Variants in GABRG1 observed in about 807,000 individuals in gnomAD.
GABRG1 encodes gamma-aminobutyric acid receptor subunit gamma-1.
In GABRG1, 49 loss-of-function variants were observed where a neutral mutation model predicts 49.8. The ratio of observed to expected loss-of-function variants is 0.98; its 90% CI spans 0.78 to 1.25. GABRG1 has a LOEUF of 1.25. GABRG1 is among the 50% of genes most tolerant of loss of function. GABRG1 has a pLI of 0.00. For synonymous variants in GABRG1, 232 were observed against 185.1 expected (o/e 1.25, Z -2.06); for missense variants, 552 against 552.3 (o/e 1.00, Z 0.01).
At chr4:46,066,232 TAAAC>T (rs983558196) in intron 3 of GABRG1, among the ~76,000 whole-genome samples, 2 of 152,126 alleles carry the variant, frequency 1.3e-5, no homozygotes, top group Admixed American at 1.3e-4. Context: ...TTAAGTCACA[TAAAC>T]AAAAAAGAAA....
Position 46,123,942 on chromosome 4 carries a change from T to C in GABRG1, c.-29A>G, listed in dbSNP as rs1721176013. The C allele has an allele frequency of 1.3e-6, 2 of 1,526,696 alleles. No homozygotes were observed. Among genetic ancestry groups the C allele is most frequent in the Non-Finnish European group, 1.8e-6 (2 of 1,101,828 alleles). 94.6% of individuals were successfully genotyped at this position (1,526,696 alleles called of 1,614,324 possible). The stretch of plus-strand genomic sequence containing the variant: ...AATCGCTTTTTTACGTGTGCTGCAC[T>C]AGCTCAATTCTCCCAGCCAGGACTT... On this transcript the variant is annotated 5_prime_UTR_variant, in exon 1 of 9. Transcript: ENST00000295452.
intron 2 of GABRG1, among the ~76,000 whole-genome samples, chr4:46,089,658 A>C (rs1184946459): frequency 6.6e-6 from 1 of 152,036 alleles, no homozygotes; most frequent in Non-Finnish European, 1.5e-5. Context: ...CTACTTGTAA[A>C]GTTGTTAAGA....
chr4:46,100,798 G>T (rs1053521312), intron 1 of GABRG1, among the ~76,000 whole-genome samples: 1 of 143,896 alleles, frequency 6.9e-6, no homozygotes, highest in Non-Finnish European at 1.5e-5. Context: ...AGTTTATATT[G>T]CCCTTTTCTC....
intron 2 of GABRG1, among the ~76,000 whole-genome samples, chr4:46,093,236 T>A (rs1279647765): frequency 1.3e-5 from 2 of 151,816 alleles, no homozygotes; most frequent in Non-Finnish European, 2.9e-5. Context: ...GCAAAGAAAA[T>A]TTGGTATATG....
chr4:46,076,334 A>G (rs919193861), intron 3 of GABRG1, among the ~76,000 whole-genome samples: 3 of 138,104 alleles, frequency 2.2e-5, no homozygotes, highest in Non-Finnish European at 4.6e-5. Flanking sequence ...CAAAATATGA[A>G]CTACCTAAAT....
intron 3 of GABRG1, among the ~76,000 whole-genome samples, chr4:46,077,905 A>C (rs890675620): frequency 4.6e-5 from 7 of 151,868 alleles, no homozygotes; most frequent in African/African-American, 1.7e-4. Flanking sequence ...AATACTAGGA[A>C]CTTTCACTTC....
intron 8 of GABRG1, among the ~76,000 whole-genome samples, chr4:46,050,995 T>C (rs545012796): frequency 1.3e-4 from 20 of 151,904 alleles, no homozygotes; most frequent in Non-Finnish European, 2.5e-4. Flanking sequence ...AGTAAAATAG[T>C]ACAAATACAG....
At chr4:46,083,942 A>G (rs1481157083) in intron 3 of GABRG1, 44 bp downstream of exon 3, 2 of 1,050,438 alleles carry the variant, frequency 1.9e-6, no homozygotes, top group South Asian at 1.4e-5. Flanking sequence ...GGTATACACG[A>G]GAGATCTCTG....
In GABRG1 at chr4:46,036,416, A is replaced by T. The variant is rs1717527952; in HGVS notation, c.*4572T>A. ...AATAAGAATCTAGACAGATCACTTT[A>T]GGATTTACATTTCAGATTATTTTTT... On this transcript the variant is annotated 3_prime_UTR_variant, in exon 9 of 9. Coordinates refer to ENST00000295452, the MANE Select transcript of GABRG1 (RefSeq NM_173536.4). 1 of 151,998 alleles carries T rather than the reference A, an allele frequency of 6.6e-6. No individual in the cohort carries two copies. 9.4% of individuals were successfully genotyped at this position (151,998 alleles called of 1,614,324 possible).
chr4:46,108,048 A>G (rs1350485157), intron 1 of GABRG1, among the ~76,000 whole-genome samples: 1 of 151,282 alleles, frequency 6.6e-6, no homozygotes, highest in Non-Finnish European at 1.5e-5. Context: ...AATATTTGTC[A>G]GAAGGAACAT....
intron 1 of GABRG1, among the ~76,000 whole-genome samples, chr4:46,105,107 C>A (rs1720491149): frequency 6.6e-6 from 1 of 151,302 alleles, no homozygotes; most frequent in African/African-American, 2.4e-5. Flanking sequence ...TTCCCAAACT[C>A]CATTTTTTAT....
At chr4:46,070,763 G>A (rs1227996239) in intron 3 of GABRG1, among the ~76,000 whole-genome samples, 2 of 151,998 alleles carry the variant, frequency 1.3e-5, no homozygotes, top group Non-Finnish European at 2.9e-5. Context: ...TTATGATTCA[G>A]TCTTGAAGCC....
chr4:46,113,118 T>C (rs962589405), intron 1 of GABRG1, among the ~76,000 whole-genome samples: 2 of 151,124 alleles, frequency 1.3e-5, no homozygotes, highest in African/African-American at 4.8e-5. Flanking sequence ...TGCTCTTCTA[T>C]CCAAATTCCA....
intron 7 of GABRG1, among the ~76,000 whole-genome samples, chr4:46,053,841 A>T (rs1718338991): frequency 6.6e-6 from 1 of 152,068 alleles, no homozygotes; most frequent in Admixed American, 6.6e-5. Flanking sequence ...TGAGAAGAAC[A>T]TAGTGGATTT....
intron 2 of GABRG1, among the ~76,000 whole-genome samples, chr4:46,091,584 T>G (rs533035370): frequency 6.6e-6 from 1 of 152,142 alleles, no homozygotes; most frequent in Non-Finnish European, 1.5e-5. Flanking sequence ...GATTTAAAAA[T>G]CAGGTGTAAA....
At position 46,112,742 on chromosome 4, in the gene GABRG1, G is replaced by A. The variant is rs367869548; in HGVS notation, c.104+11068C>T. 6.0e-5 allele frequency among the ~76,000 whole-genome samples: 9 copies of A among 151,084 alleles called. No homozygotes were observed. In the East Asian group the frequency reaches 1.2e-3, roughly 20 times the overall value. ...ATTTGTAAGTGTGAGCCTAACATTG[G>A]GTGCTCATGAACATAAAAGGCAATG... On this transcript the variant is annotated intron_variant, in intron 1 of 8. Transcript: ENST00000295452.
chr4:46,040,968 T>A lies in GABRG1; in HGVS notation c.*20A>T. 1 of 1,593,920 alleles carries A rather than the reference T, an allele frequency of 6.3e-7. No homozygotes were observed. Among genetic ancestry groups the A allele is most frequent in the Non-Finnish European group, 8.5e-7 (1 of 1,170,470 alleles). ...TGAATTTAGTCAGACTTCTTTTGAT[T>A]TTTGCTTATGAAGTAGATTTTATAA... is the stretch of plus-strand genomic sequence containing the variant. On this transcript the variant is annotated 3_prime_UTR_variant, in exon 9 of 9. Transcript: ENST00000295452.
Position 46,041,144 on chromosome 4 carries a change from G to A in GABRG1, c.1242C>T (p.Ser414=). 1 of 1,613,162 alleles carries A rather than the reference G, an allele frequency of 6.2e-7. No homozygotes were observed. Among genetic ancestry groups the A allele is most frequent in the Non-Finnish European group, 8.5e-7 (1 of 1,179,422 alleles). ...TGCAGTCTTCAAAGCAACAGAAGAAGCTGGCACAATCTTTGCCCTCCAAAC... is the reference window on the plus strand; with the variant it reads ...TGCAGTCTTCAAAGCAACAGAAGAAACTGGCACAATCTTTGCCCTCCAAAC... ...YQCLEGKDCA[S]FFCCFEDCRT... The change falls in exon 9 of 9, where the codon AGC becomes AGT. Residue 414 remains serine, a synonymous_variant. Transcript: ENST00000295452.
chr4:46,105,791 TGATAGATA>T (rs10660132), intron 1 of GABRG1, among the ~76,000 whole-genome samples: 9,418 of 144,610 alleles, frequency 0.065, 363 homozygotes, highest in Non-Finnish European at 0.095. Flanking sequence ...GGTAGATAGA[TGATAGATA>T]GATAGATAGA....
Sources: gnomAD v4.1 joint callset for allele counts (sites outside exome capture counted in the v4.1 genomes callset) on GRCh38, gnomAD v4.1.1 for gene constraint, MANE v1.5 for transcripts, NCBI Gene and HGNC (gene_info 2026-07-23, HGNC 2026-07-21) for gene names.